Variants in PLCXD3 observed in about 807,000 individuals in gnomAD.
PLCXD3 encodes the protein PI-PLC X domain-containing protein 3.
PLCXD3 carries 19 observed loss-of-function variants against 25.5 expected under a neutral mutation model. The observed-to-expected ratio is 0.75, with a 90% confidence interval of 0.52 to 1.09. The LOEUF (loss-of-function observed/expected upper bound fraction) is 1.09. PLCXD3 is among the 50% of genes least tolerant of loss of function. The probability of loss-of-function intolerance (pLI) is 0.00; values close to 1 mark genes in which losing one functional copy is unlikely to be tolerated. For synonymous variants in PLCXD3, 174 were observed against 137.6 expected (o/e 1.26, Z -1.85); for missense variants, 411 against 388.1 (o/e 1.06, Z -0.50).
intron 2 of PLCXD3, among the ~76,000 whole-genome samples, chr5:41,345,217 T>G (rs1744265253): frequency 6.6e-6 from 1 of 152,330 alleles, no homozygotes; most frequent in East Asian, 1.9e-4. Context: ...AAATGATGTC[T>G]TTGGCTAAAT....
chr5:41,356,746 A>AC (rs1254435452), intron 2 of PLCXD3, among the ~76,000 whole-genome samples: 2 of 151,992 alleles, frequency 1.3e-5, no homozygotes, highest in African/African-American at 4.8e-5. Flanking sequence ...TGGTGAAGTG[A>AC]CCCCCCAAAG....
intron 1 of PLCXD3, among the ~76,000 whole-genome samples, chr5:41,448,458 A>G (rs1747554667): frequency 6.6e-6 from 1 of 152,248 alleles, no homozygotes; most frequent in African/African-American, 2.4e-5. Context: ...AGTAACTAAG[A>G]AAATTGATAG....
chr5:41,341,494 A>G (rs1183713584), intron 2 of PLCXD3, among the ~76,000 whole-genome samples: 1 of 152,218 alleles, frequency 6.6e-6, no homozygotes, highest in African/African-American at 2.4e-5. Flanking sequence ...AAAGTGCCCT[A>G]CAAATTTAAG....
intron 1 of PLCXD3, among the ~76,000 whole-genome samples, chr5:41,474,423 A>G (rs775994402): frequency 6.6e-6 from 1 of 152,222 alleles, no homozygotes; most frequent in African/African-American, 2.4e-5. Context: ...TTACTCAGAT[A>G]GCTTCCAATG....
intron 1 of PLCXD3, among the ~76,000 whole-genome samples, chr5:41,492,250 T>C (rs1342650188): frequency 1.5e-3 from 210 of 140,008 alleles, no homozygotes; most frequent in African/African-American, 2.0e-3. Context: ...TTTAAGAATG[T>C]TGAATATTGG....
At chr5:41,398,956 A>G (rs374053964) in intron 1 of PLCXD3, among the ~76,000 whole-genome samples, 18 of 152,350 alleles carry the variant, frequency 1.2e-4, no homozygotes, top group African/African-American at 4.3e-4. Context: ...TCAAAAATCT[A>G]GGCTTCAGAG....
At chr5:41,415,142 T>C (rs531481117) in intron 1 of PLCXD3, among the ~76,000 whole-genome samples, 2 of 152,334 alleles carry the variant, frequency 1.3e-5, no homozygotes, top group East Asian at 1.9e-4. Flanking sequence ...GGGGATGCTA[T>C]TGTAAAACCA....
chr5:41,323,709 T>C (rs984626623), intron 2 of PLCXD3, among the ~76,000 whole-genome samples: 3 of 152,124 alleles, frequency 2.0e-5, no homozygotes, highest in African/African-American at 7.2e-5. Context: ...TGAATTGCAG[T>C]AGCAGCAGTG....
chr5:41,334,613 T>A (rs1411556499), intron 2 of PLCXD3, among the ~76,000 whole-genome samples: 2 of 152,194 alleles, frequency 1.3e-5, no homozygotes, highest in Non-Finnish European at 2.9e-5. Flanking sequence ...TTGTTTTGTT[T>A]AACAAAAAGT....
intron 1 of PLCXD3, among the ~76,000 whole-genome samples, chr5:41,464,338 A>G (rs1255368251): frequency 6.6e-6 from 1 of 152,066 alleles, no homozygotes; most frequent in Non-Finnish European, 1.5e-5. Flanking sequence ...AACTCTTTTG[A>G]CTGTGCACCG....
chr5:41,449,034 A>T (rs1747568755), intron 1 of PLCXD3, among the ~76,000 whole-genome samples: 1 of 152,154 alleles, frequency 6.6e-6, no homozygotes, highest in Non-Finnish European at 1.5e-5. Flanking sequence ...ATTTTTCCAG[A>T]AAACTTTCTA....
intron 1 of PLCXD3, among the ~76,000 whole-genome samples, chr5:41,440,014 C>A (rs1747342051): frequency 6.6e-6 from 1 of 151,920 alleles, no homozygotes; most frequent in South Asian, 2.1e-4. Flanking sequence ...TCAGTTGGGA[C>A]AATGATAGAA....
chr5:41,435,549 C>A (rs922563760), intron 1 of PLCXD3, among the ~76,000 whole-genome samples: 3 of 152,286 alleles, frequency 2.0e-5, no homozygotes, highest in Admixed American at 6.5e-5. Flanking sequence ...GTTTGAGTCC[C>A]AGCTCTTGCC....
intron 2 of PLCXD3, among the ~76,000 whole-genome samples, chr5:41,359,501 A>G (rs1271276682): frequency 1.3e-5 from 2 of 152,224 alleles, no homozygotes; most frequent in South Asian, 2.1e-4. Context: ...GTCGATGTGC[A>G]TACTATGTAC....
At chr5:41,427,794 A>G (rs1024720696) in intron 1 of PLCXD3, among the ~76,000 whole-genome samples, 22 of 152,174 alleles carry the variant, frequency 1.4e-4, no homozygotes, top group Non-Finnish European at 4.4e-5. Context: ...TATCATTCAC[A>G]TGGGAACAAC....
At chr5:41,474,899 C>T (rs372140092) in intron 1 of PLCXD3, among the ~76,000 whole-genome samples, 66 of 152,298 alleles carry the variant, frequency 4.3e-4, no homozygotes, top group African/African-American at 1.5e-3. Context: ...TAACGCAACC[C>T]GTTCTCTGAC....
intron 2 of PLCXD3, among the ~76,000 whole-genome samples, chr5:41,349,895 T>C (rs1580317193): frequency 6.6e-6 from 1 of 152,164 alleles, no homozygotes; most frequent in Non-Finnish European, 1.5e-5. Context: ...AGGAAAGTTC[T>C]GGAATGTCCT....
Position 41,309,617 on chromosome 5 carries a change from C to G in PLCXD3, c.*4000G>C, listed in dbSNP as rs1198866431. On this transcript the variant is annotated 3_prime_UTR_variant, in exon 3 of 3. Transcript: ENST00000377801. ...TGCATTTCCTGAGACTTCCAACTTT[C>G]CAGTCTGGAATCCTAACAAGGAAGA... is the stretch of plus-strand genomic sequence containing the variant. 1 of 152,152 alleles carries G rather than the reference C, an allele frequency of 6.6e-6. No individual in the cohort carries two copies. The highest frequency in any genetic ancestry group is 2.4e-5 in the African/African-American group (1 of 41,446). 9.4% of individuals were successfully genotyped at this position (152,152 alleles called of 1,614,324 possible). A position where few individuals can be genotyped will look rare whatever the true frequency, so the allele number is the denominator to read the frequency against.
intron 1 of PLCXD3, among the ~76,000 whole-genome samples, chr5:41,408,770 T>C (rs754988247): frequency 1.3e-5 from 2 of 152,168 alleles, no homozygotes; most frequent in Admixed American, 6.5e-5. Context: ...CTCTTACCCT[T>C]GAGGCCACCA....
Sources: gnomAD v4.1 joint callset for allele counts (sites outside exome capture counted in the v4.1 genomes callset) on GRCh38, gnomAD v4.1.1 for gene constraint, MANE v1.5 for transcripts, NCBI Gene and HGNC (gene_info 2026-07-23, HGNC 2026-07-21) for gene names.